Variants in PCDHGA7 observed in about 807,000 individuals in gnomAD.
PCDHGA7 encodes protocadherin gamma subfamily A, 7, also known as protocadherin gamma-A7.
Under a neutral mutation model 58.3 loss-of-function variants are expected in PCDHGA7, and 44 were observed. The observed-to-expected ratio is 0.75, with a 90% CI of 0.59 to 0.97. PCDHGA7 has a LOEUF of 0.97. Ranked by LOEUF, PCDHGA7 falls within the 50% of genes least tolerant of loss-of-function variation. The probability of loss-of-function intolerance (pLI) is 0.00; values close to 1 mark genes in which losing one functional copy is unlikely to be tolerated. For synonymous variants in PCDHGA7, 516 were observed against 504.2 expected (o/e 1.02, Z -0.31); for missense variants, 1,266 against 1,188.7 (o/e 1.06, Z -0.96).
chr5:141,394,481 T>C lies in PCDHGA7; in HGVS notation c.2424+9158T>C, dbSNP rs766569646. The C allele has an allele frequency of 4.3e-6, 7 of 1,614,088 alleles. No individual in the cohort carries two copies. The East Asian group carries it at 6.7e-5, about 15-fold the overall frequency. ...TGAGCCTGTTCGTGCTGGACCAGAATGACAACGCGCCCGAGATCCTGTACC... is the reference window on the plus strand; with the variant it reads ...TGAGCCTGTTCGTGCTGGACCAGAACGACAACGCGCCCGAGATCCTGTACC... On this transcript the variant is annotated intron_variant, in intron 1 of 3. Transcript: ENST00000518325.
At chr5:141,404,949 A>G in intron 1 of PCDHGA7, 1 of 1,613,834 alleles carries the variant, frequency 6.2e-7, no homozygotes, top group Non-Finnish European at 8.5e-7. Flanking sequence ...GCCATAGCTG[A>G]CAGCATCCCA....
At chr5:141,404,891 C>G in intron 1 of PCDHGA7, 1 of 1,613,898 alleles carries the variant, frequency 6.2e-7, no homozygotes, top group African/African-American at 1.3e-5. Context: ...GGTGGCTGTA[C>G]AGGACCATGG....
At chr5:141,504,666 G>T (rs2099839952) in intron 2 of PCDHGA7, among the ~76,000 whole-genome samples, 1 of 107,242 alleles carries the variant, frequency 9.3e-6, no homozygotes, top group South Asian at 3.6e-4. Context: ...AGGGCGGGGG[G>T]TGGGGGTTCT....
At chr5:141,473,801 T>C (rs1593456345) in intron 1 of PCDHGA7, among the ~76,000 whole-genome samples, 1 of 152,226 alleles carries the variant, frequency 6.6e-6, no homozygotes, top group East Asian at 1.9e-4. Flanking sequence ...ATGATGCTAC[T>C]GAGGAGCAGC....
In PCDHGA7 at chr5:141,432,446, C is replaced by T. The variant is rs765059815; in HGVS notation, c.2424+47123C>T. The T allele has an allele frequency of 1.2e-6, 2 of 1,614,256 alleles. No individual in the cohort carries two copies. Among genetic ancestry groups the T allele is most frequent in the Non-Finnish European group, 8.5e-7 (1 of 1,180,052 alleles). On this transcript the variant is annotated intron_variant, in intron 1 of 3. Transcript: ENST00000518325. The surrounding 1 kb of genome is among the most constrained non-coding windows in gnomAD (Gnocchi z 6.0). ...CCAGAACGACAATGCGCCCGAGATC[C>T]TGTACCCCGCCCTCCCCACGGACGG...
rs1348785166 is a variant in PCDHGA7, at chr5:141,431,381, C to T, written c.2424+46058C>T. On this transcript the variant is annotated intron_variant, in intron 1 of 3. Coordinates refer to ENST00000518325, the MANE Select transcript of PCDHGA7 (RefSeq NM_018920.4). The surrounding 1 kb of genome is among the most constrained non-coding windows in gnomAD (Gnocchi z 4.8). Reference sequence around the variant, plus strand: ...CCTGGACCGCGAAGAAAAGGCTGCTCACCACCTGGTCCTTACGGCCTCCGA... The same window carrying T: ...CCTGGACCGCGAAGAAAAGGCTGCTTACCACCTGGTCCTTACGGCCTCCGA... 1.2e-6 allele frequency: 2 copies of T among 1,613,940 alleles called. No homozygotes were observed. Among genetic ancestry groups the T allele is most frequent in the Non-Finnish European group, 1.7e-6 (2 of 1,180,042 alleles).
At position 141,424,135 on chromosome 5, in the gene PCDHGA7, G is replaced by A. The variant is rs572224199; in HGVS notation, c.2424+38812G>A. 1.1e-4 allele frequency: 47 copies of A among 431,606 alleles called. No individual in the cohort carries two copies. The South Asian group carries it at 4.6e-3, about 43-fold the overall frequency. The allele number at this position is 431,606 out of a possible 1,614,324, so 26.7% of individuals were successfully genotyped here. On this transcript the variant is annotated intron_variant, in intron 1 of 3. Coordinates refer to ENST00000518325, the MANE Select transcript of PCDHGA7 (RefSeq NM_018920.4). The stretch of plus-strand genomic sequence containing the variant: ...AAATTTTGATCCTGTTGATTTAATA[G>A]CATGCTCCCTCTAGCTCTCCTTCTC...
rs769671283 is a variant in PCDHGA7, at chr5:141,511,391, C to A, written c.*218C>A. 1 of 1,079,748 alleles carries A rather than the reference C, an allele frequency of 9.3e-7. No homozygotes were observed. The allele number at this position is 1,079,748 out of a possible 1,614,324, so 66.9% of individuals were successfully genotyped here. On this transcript the variant is annotated 3_prime_UTR_variant, in exon 4 of 4. Transcript: ENST00000518325. ...TGCAAAAGCAGTTCCGCTGGGAACC[C>A]CCATCCAATCAACTGCTGTACCCAT...
rs759346998 is a variant in PCDHGA7 at position 141,410,849 on chromosome 5, CTTTTT to C, written c.2424+25544_2424+25548del. On this transcript the variant is annotated intron_variant, in intron 1 of 3. Transcript: ENST00000518325. ...CAGACTGAAGATATTTTGTCTTTGT[CTTTTT>C]TTTTTTTTTTTTTTTTTGAGATGGA... 1.3e-3 allele frequency: 178 copies of C among 137,948 alleles called. 1 individual carries two copies. Among genetic ancestry groups the C allele is most frequent in the East Asian group, 2.3e-3 (10 of 4,422 alleles). 8.5% of individuals were successfully genotyped at this position (137,948 alleles called of 1,614,324 possible). A position where few individuals can be genotyped will look rare whatever the true frequency, so the allele number is the denominator to read the frequency against.
chr5:141,478,977 T>G (rs1004184325), intron 1 of PCDHGA7, among the ~76,000 whole-genome samples: 12 of 152,210 alleles, frequency 7.9e-5, no homozygotes, highest in Admixed American at 5.2e-4. Flanking sequence ...TTCAAGTGAT[T>G]GTGACATTTG....
chr5:141,419,085 C>T (rs759272094), intron 1 of PCDHGA7: 1 of 1,613,936 alleles, frequency 6.2e-7, no homozygotes, highest in Non-Finnish European at 8.5e-7. Flanking sequence ...ACAGATGAGG[C>T]CCTGGATCGG....
At chr5:141,451,018 C>T (rs1307161489) in intron 1 of PCDHGA7, among the ~76,000 whole-genome samples, 7 of 151,264 alleles carry the variant, frequency 4.6e-5, no homozygotes, top group African/African-American at 1.5e-4. Flanking sequence ...TTAGTAGAGA[C>T]GAGGTTTCAC....
intron 1 of PCDHGA7, chr5:141,409,586 G>C: frequency 6.2e-7 from 1 of 1,613,908 alleles, no homozygotes; most frequent in Non-Finnish European, 8.5e-7. Flanking sequence ...GGTCCACGTG[G>C]CCGAGAACAA....
In PCDHGA7 at chr5:141,505,471, G is replaced by A. The variant is rs766596231; in HGVS notation, c.2562G>A (p.Ala854=). The A allele has an allele frequency of 3.4e-5, 55 of 1,614,244 alleles. No individual in the cohort carries two copies. The highest frequency in any genetic ancestry group is 1.1e-4 in the East Asian group (5 of 44,880). ...AGATGCTGCAAGCCATGATCTTGGCGTCCGCCAGTGGTAAGTGGTGTCAGT... is the reference window on the plus strand; with the variant it reads ...AGATGCTGCAAGCCATGATCTTGGCATCCGCCAGTGGTAAGTGGTGTCAGT... ...DTEMLQAMIL[A]SASEAADGSS... Residue 854 remains alanine (A), a synonymous_variant, in exon 3 of 4, where the codon GCG becomes GCA. Coordinates refer to ENST00000518325, the MANE Select transcript of PCDHGA7 (RefSeq NM_018920.4).
chr5:141,388,161 G>A (rs2150354529), intron 1 of PCDHGA7: 4 of 1,475,088 alleles, frequency 2.7e-6, no homozygotes, highest in South Asian at 1.2e-5. Flanking sequence ...GCTAGACAGG[G>A]AGGAGATATG....
chr5:141,432,859 C>A lies in PCDHGA7; in HGVS notation c.2424+47536C>A. The A allele has an allele frequency of 1.2e-6, 2 of 1,614,190 alleles. No homozygotes were observed. Among genetic ancestry groups the A allele is most frequent in the Non-Finnish European group, 1.7e-6 (2 of 1,180,020 alleles). The stretch of plus-strand genomic sequence containing the variant: ...ACCTGGTGGTAGCGGTGGCCGCGGT[C>A]TCCTGCGTCTTCCTGGCCTTCGTCA... On this transcript the variant is annotated intron_variant, in intron 1 of 3. Transcript: ENST00000518325. This position sits in a 1 kb window ranked among gnomAD's most constrained non-coding sequence, Gnocchi z 6.0.
In PCDHGA7 at chr5:141,511,477, C is replaced by A; in HGVS notation, c.*304C>A. 2.1e-6 allele frequency: 1 copy of A among 482,262 alleles called. No homozygotes were observed. The allele number at this position is 482,262 out of a possible 1,614,324, so 29.9% of individuals were successfully genotyped here. A position where few individuals can be genotyped will look rare whatever the true frequency, so the allele number is the denominator to read the frequency against. On this transcript the variant is annotated 3_prime_UTR_variant, in exon 4 of 4. Coordinates refer to ENST00000518325, the MANE Select transcript of PCDHGA7 (RefSeq NM_018920.4). ...TTTGCCACACCCCGTTTAGTTACAG[C>A]TGAACTCCTCCATCTTCCAAATCAA...
At position 141,384,478 on chromosome 5, in the gene PCDHGA7, G is replaced by A. The variant is rs1350381914; in HGVS notation, c.1579G>A (p.Glu527Lys). 2.5e-6 allele frequency: 4 copies of A among 1,614,104 alleles called. No individual in the cohort carries two copies. The highest frequency in any genetic ancestry group is 3.4e-6 in the Non-Finnish European group (4 of 1,179,974). Residue 527 changes from glutamate (E) to lysine (K), a missense_variant, in exon 1 of 4, where the codon GAA (glutamate) becomes AAA (lysine). Transcript: ENST00000518325. ...ATCCTTTGATTATGAGCAGTTGAGA[G>A]AACTACAACTAAGAGTGACTGCACA... ...LQSFDYEQLR[E>K]LQLRVTAHDS...
At position 141,486,616 on chromosome 5, in the gene PCDHGA7, C is replaced by T. The variant is rs759167270; in HGVS notation, c.2425-8191C>T. On this transcript the variant is annotated intron_variant, in intron 1 of 3. Coordinates refer to ENST00000518325, the MANE Select transcript of PCDHGA7 (RefSeq NM_018920.4). The surrounding 1 kb of genome is among the most constrained non-coding windows in gnomAD (Gnocchi z 5.0). ...TGCTTTGCTCCCTTGCAGCCTCTGA[C>T]CCAGACTCTGGCTTGAATGCGCTTA... is the stretch of plus-strand genomic sequence containing the variant. 2 of 1,613,500 alleles carry T rather than the reference C, an allele frequency of 1.2e-6. No individual in the cohort carries two copies. The highest frequency in any genetic ancestry group is 3.3e-5 in the Admixed American group (2 of 60,004).
Sources: gnomAD v4.1 joint callset for allele counts (sites outside exome capture counted in the v4.1 genomes callset) on GRCh38, gnomAD v4.1.1 for gene constraint, Gnocchi (gnomAD v3.1) non-coding constraint, MANE v1.5 for transcripts, NCBI Gene and HGNC (gene_info 2026-07-23, HGNC 2026-07-21) for gene names.